Variants in AGPAT3 observed in about 807,000 individuals in gnomAD.
The protein encoded by AGPAT3 is 1-acylglycerol-3-phosphate O-acyltransferase 3.
A neutral mutation model predicts 47.3 loss-of-function variants in AGPAT3; 5 were observed. The observed-to-expected ratio is 0.11, with a 90% CI of 0.06 to 0.22. The LOEUF (loss-of-function observed/expected upper bound fraction) is 0.22. Among genes scored for constraint, AGPAT3 ranks in the 10% least tolerant of loss-of-function variants. The probability of loss-of-function intolerance (pLI) is 1.00; values close to 1 mark genes in which losing one functional copy is unlikely to be tolerated. For missense variants in AGPAT3, 315 were observed against 493.0 expected (o/e 0.64, Z 3.42); for synonymous variants, 212 against 208.3 (o/e 1.02, Z -0.15).
At chr21:43,974,318 G>A (rs2089517268) in intron 7 of AGPAT3, among the ~76,000 whole-genome samples, 1 of 151,960 alleles carries the variant, frequency 6.6e-6, no homozygotes, top group Non-Finnish European at 1.5e-5. Flanking sequence ...GGTGATGTAT[G>A]TGGTGTGTGT....
At chr21:43,962,863 C>G (rs1328380145) in intron 3 of AGPAT3, among the ~76,000 whole-genome samples, 1 of 148,288 alleles carries the variant, frequency 6.7e-6, no homozygotes, top group Non-Finnish European at 1.5e-5. Flanking sequence ...TCAAGAATGA[C>G]AACGTAAACA....
In AGPAT3 at chr21:43,900,272, A is replaced by G. The variant is rs143317363; in HGVS notation, c.-111-3685A>G. ...GATGAGTGAAAACCTGGATTTAAAA[A>G]TGCAAGATTCCAGCTTGCACTTCTA... On this transcript the variant is annotated intron_variant, in intron 1 of 9. Transcript: ENST00000291572. Among the ~76,000 whole-genome samples the G allele has an allele frequency of 2.0e-5, 3 of 152,320 alleles. No homozygotes were observed. The East Asian group carries it at 5.8e-4, about 29-fold the overall frequency.
chr21:43,941,992 G>T (rs1178774863), intron 2 of AGPAT3, among the ~76,000 whole-genome samples: 1 of 152,262 alleles, frequency 6.6e-6, no homozygotes, highest in African/African-American at 2.4e-5. Context: ...GGTGGCAGGG[G>T]ACTGGCTGTG....
chr21:43,898,402 A>T (rs2086276415), intron 1 of AGPAT3, among the ~76,000 whole-genome samples: 1 of 152,192 alleles, frequency 6.6e-6, no homozygotes, highest in African/African-American at 2.4e-5. Context: ...TTTCCCCACA[A>T]GCACAACATT....
At chr21:43,959,095 T>TGG (rs2088669736) in intron 2 of AGPAT3, among the ~76,000 whole-genome samples, 1 of 43,544 alleles carries the variant, frequency 2.3e-5, no homozygotes, top group South Asian at 6.2e-4. Flanking sequence ...TGTGTGTGTG[T>TGG]CATGTGTGTG....
Position 43,985,393 on chromosome 21 carries a change from T to C in AGPAT3, c.*3001T>C, listed in dbSNP as rs1468979062. 3.5e-5 allele frequency: 11 copies of C among 314,572 alleles called. No homozygotes were observed. The East Asian group carries it at 9.9e-4, about 28-fold the overall frequency. 19.5% of individuals were successfully genotyped at this position (314,572 alleles called of 1,614,324 possible). On this transcript the variant is annotated 3_prime_UTR_variant, in exon 10 of 10. Transcript: ENST00000291572. ...AACAACAATGTAAGCAGCACTTTCT[T>C]GTGTAAAAAAAAAAAAAAAGCACGT...
intron 7 of AGPAT3, among the ~76,000 whole-genome samples, chr21:43,977,433 C>T (rs867072712): frequency 1.3e-5 from 2 of 152,166 alleles, no homozygotes; most frequent in Admixed American, 6.5e-5. Flanking sequence ...GTGGCCTGCC[C>T]GGTTAAATCA....
At position 43,921,262 on chromosome 21, in the gene AGPAT3, C is replaced by G. The variant is rs1458918926; in HGVS notation, c.-49+17243C>G. Among the ~76,000 whole-genome samples, 3 of 152,328 alleles carry G rather than the reference C, an allele frequency of 2.0e-5. No homozygotes were observed. The East Asian group carries it at 5.8e-4, about 29-fold the overall frequency. ...ACTGGACACTCCTGTGCCCTGGACA[C>G]CCCAGGCCTCGCCCTGTGCTCCTCT... On this transcript the variant is annotated intron_variant, in intron 2 of 9. Coordinates refer to ENST00000291572, the MANE Select transcript of AGPAT3 (RefSeq NM_020132.5).
rs758632184 is a variant in AGPAT3 at position 43,954,317 on chromosome 21, G to A, written c.-48-5317G>A. Among the ~76,000 whole-genome samples, 6 of 152,212 alleles carry A rather than the reference G, an allele frequency of 3.9e-5. No individual in the cohort carries two copies. Among genetic ancestry groups the A allele is most frequent in the Non-Finnish European group, 7.3e-5 (5 of 68,038 alleles). On this transcript the variant is annotated intron_variant, in intron 2 of 9. Coordinates refer to ENST00000291572, the MANE Select transcript of AGPAT3 (RefSeq NM_020132.5). The surrounding 1 kb of genome is among the most constrained non-coding windows in gnomAD (Gnocchi z 4.0). ...AAGGAGGTCCAGGCGGGCTGGGTGT[G>A]GGGAGGTGGAACAGGGTACCTGCGA... is the stretch of plus-strand genomic sequence containing the variant.
intron 2 of AGPAT3, among the ~76,000 whole-genome samples, chr21:43,918,885 A>G (rs2086823977): frequency 6.6e-6 from 1 of 152,192 alleles, no homozygotes; most frequent in African/African-American, 2.4e-5. Flanking sequence ...CTGACAGCTA[A>G]ATTTTTAAAT....
At chr21:43,905,339 G>A (rs943809497) in intron 2 of AGPAT3, among the ~76,000 whole-genome samples, 2 of 151,856 alleles carry the variant, frequency 1.3e-5, no homozygotes, top group Admixed American at 1.3e-4. Flanking sequence ...ACAGGCGCCC[G>A]CCACCACGTC....
Position 43,987,366 on chromosome 21 carries a change from G to A in AGPAT3, c.*4974G>A, listed in dbSNP as rs890663211. On this transcript the variant is annotated 3_prime_UTR_variant, in exon 10 of 10. Coordinates refer to ENST00000291572, the MANE Select transcript of AGPAT3 (RefSeq NM_020132.5). ...AATTGAAAAGGAGAGCGGTCACCTGGCAAAAACACAGGGGAAATCAGCCAG... is the reference window on the plus strand; with the variant it reads ...AATTGAAAAGGAGAGCGGTCACCTGACAAAAACACAGGGGAAATCAGCCAG... Among the ~76,000 whole-genome samples the A allele has an allele frequency of 6.6e-6, 1 of 152,060 alleles. No homozygotes were observed. Among genetic ancestry groups the A allele is most frequent in the Admixed American group, 6.6e-5 (1 of 15,264 alleles).
intron 2 of AGPAT3, among the ~76,000 whole-genome samples, chr21:43,957,003 C>G (rs533260692): frequency 2.0e-5 from 3 of 152,306 alleles, no homozygotes; most frequent in Admixed American, 6.5e-5. Context: ...GAAAGTGTTT[C>G]AGGCCCATTC....
rs1335410700 is a variant in AGPAT3 at position 43,880,132 on chromosome 21, A to G, written c.-112+14787A>G. 6.6e-6 allele frequency among the ~76,000 whole-genome samples: 1 copy of G among 152,224 alleles called. No homozygotes were observed. Among genetic ancestry groups the G allele is most frequent in the Non-Finnish European group, 1.5e-5 (1 of 68,032 alleles). ...GGGTGTGGACTTGAGCTTCGACATC[A>G]GTTGGCACTGGCCTTTTGCACCCAT... On this transcript the variant is annotated intron_variant, in intron 1 of 9. Transcript: ENST00000291572. This position sits in a 1 kb window ranked among gnomAD's most constrained non-coding sequence, Gnocchi z 4.5.
At chr21:43,978,919 G>A (rs886372264) in intron 8 of AGPAT3, among the ~76,000 whole-genome samples, 4 of 152,120 alleles carry the variant, frequency 2.6e-5, no homozygotes, top group Non-Finnish European at 4.4e-5. Flanking sequence ...TTCCACTGTC[G>A]GCCTTGTGGG....
Position 43,982,076 on chromosome 21 carries a change from C to T in AGPAT3, c.1043-228C>T, listed in dbSNP as rs532013468. Among the ~76,000 whole-genome samples, 31 of 152,360 alleles carry T rather than the reference C, an allele frequency of 2.0e-4. No individual in the cohort carries two copies. The highest frequency in any genetic ancestry group is 5.2e-4 in the Admixed American group (8 of 15,308). ...GCAAGGTCCACGTGTCCACCTGCCTCGGACCCAGCCGGTCAGAAGACGTGC... is the reference window on the plus strand; with the variant it reads ...GCAAGGTCCACGTGTCCACCTGCCTTGGACCCAGCCGGTCAGAAGACGTGC... On this transcript the variant is annotated intron_variant, in intron 9 of 9. Transcript: ENST00000291572. The surrounding 1 kb of genome is among the most constrained non-coding windows in gnomAD (Gnocchi z 6.2).
intron 2 of AGPAT3, among the ~76,000 whole-genome samples, chr21:43,953,137 G>A (rs1449119245): frequency 3.3e-5 from 5 of 152,200 alleles, no homozygotes; most frequent in Admixed American, 1.3e-4. Flanking sequence ...GGGGCACGCC[G>A]CAGAGAGCTG....
Position 43,984,814 on chromosome 21 carries a change from C to A in AGPAT3, c.*2422C>A. 4.7e-6 allele frequency: 1 copy of A among 211,904 alleles called. No homozygotes were observed. Among genetic ancestry groups the A allele is most frequent in the Non-Finnish European group, 9.8e-6 (1 of 102,002 alleles). 13.1% of individuals were successfully genotyped at this position (211,904 alleles called of 1,614,324 possible). ...GTCTTTTTTTTTTCTTTTTCCTTTA[C>A]ACCCTACTTCTGAGCTTAATTCAGT... On this transcript the variant is annotated 3_prime_UTR_variant, in exon 10 of 10. Transcript: ENST00000291572.
At position 43,922,509 on chromosome 21, in the gene AGPAT3, C is replaced by T. The variant is rs1343586438; in HGVS notation, c.-49+18490C>T. On this transcript the variant is annotated intron_variant, in intron 2 of 9. Coordinates refer to ENST00000291572, the MANE Select transcript of AGPAT3 (RefSeq NM_020132.5). The surrounding 1 kb of genome is among the most constrained non-coding windows in gnomAD (Gnocchi z 4.9). ...TCCTTAACCCCACCCTCAAGGCAGG[C>T]AGCACGTGGAGGAGAGTGTCCCTGT... Among the ~76,000 whole-genome samples the T allele has an allele frequency of 2.0e-5, 3 of 152,128 alleles. No individual in the cohort carries two copies. The highest frequency in any genetic ancestry group is 2.1e-4 in the South Asian group (1 of 4,826).
Sources: allele counts gnomAD v4.1 joint callset (sites outside exome capture counted in the v4.1 genomes callset), GRCh38; gene constraint gnomAD v4.1.1; non-coding constraint Gnocchi (gnomAD v3.1); transcripts MANE v1.5; gene names NCBI Gene and HGNC (gene_info 2026-07-23, HGNC 2026-07-21).